The following PAPOLA variants were observed in gnomAD, a reference collection of about 807,000 sequenced individuals.
PAPOLA encodes the protein poly(A) polymerase alpha.
Under a neutral mutation model 100.6 loss-of-function variants are expected in PAPOLA, and 15 were observed. The ratio of observed to expected loss-of-function variants is 0.15; its 90% CI spans 0.10 to 0.23. The LOEUF (loss-of-function observed/expected upper bound fraction) is 0.23, where lower values mean the gene tolerates loss of function less well. Ranked by LOEUF, PAPOLA falls within the 10% of genes least tolerant of loss-of-function variation. The pLI is 1.00. For missense variants in PAPOLA, 533 were observed against 884.2 expected (o/e 0.60, Z 5.04); for synonymous variants, 293 against 300.0 (o/e 0.98, Z 0.24).
chr14:96,548,051 A>G (rs993872479), intron 16 of PAPOLA, 133 bp downstream of exon 16: 1 of 746,346 alleles, frequency 1.3e-6, no homozygotes, highest in Non-Finnish European at 2.1e-6. Context: ...AATCTGTTTC[A>G]TGGAGCAGTT....
chr14:96,526,204 C>T (rs182242953), intron 4 of PAPOLA: 1 of 152,290 alleles, frequency 6.6e-6, no homozygotes, highest in East Asian at 1.9e-4. Flanking sequence ...GTACTGAGAT[C>T]TTCATTATCT....
At chr14:96,560,470 A>T in intron 19 of PAPOLA, 179 bp from the exon 20 acceptor site, 2 of 516,856 alleles carry the variant, frequency 3.9e-6, no homozygotes, top group Non-Finnish European at 6.8e-6. Flanking sequence ...TAGCTACTGA[A>T]GCCAAATTTA....
At chr14:96,513,614 CG>C (rs1483935456) in intron 1 of PAPOLA, among the ~76,000 whole-genome samples, 4 of 152,154 alleles carry the variant, frequency 2.6e-5, no homozygotes, top group Non-Finnish European at 4.4e-5. Context: ...AATAAGGGCT[CG>C]TTTTTTTTAC....
At chr14:96,557,723 T>C (rs1901471514) in intron 19 of PAPOLA, among the ~76,000 whole-genome samples, 1 of 151,672 alleles carries the variant, frequency 6.6e-6, no homozygotes, top group Non-Finnish European at 1.5e-5. Flanking sequence ...TTATTTAGCT[T>C]ATTCTCTGAA....
intron 3 of PAPOLA, among the ~76,000 whole-genome samples, 198 bp from the exon 4 acceptor site, chr14:96,525,112 G>C (rs1416924227): frequency 6.6e-6 from 1 of 152,156 alleles, no homozygotes; most frequent in Admixed American, 6.5e-5. Context: ...CTCTTTAAAA[G>C]TTGAAAATGG....
At chr14:96,533,030 A>G in intron 9 of PAPOLA, 1 of 980,986 alleles carries the variant, frequency 1.0e-6, no homozygotes, top group Non-Finnish European at 1.2e-6. Flanking sequence ...GTTTCTTGTG[A>G]TTGTTTTTTT....
intron 15 of PAPOLA, among the ~76,000 whole-genome samples, chr14:96,545,473 A>C (rs952964244): frequency 6.6e-6 from 1 of 152,084 alleles, no homozygotes; most frequent in African/African-American, 2.4e-5. Context: ...GAAAGTTGCA[A>C]ATAAAAAGTG....
At chr14:96,508,430 A>G (rs1304963310) in intron 1 of PAPOLA, among the ~76,000 whole-genome samples, 1 of 152,172 alleles carries the variant, frequency 6.6e-6, no homozygotes, top group Non-Finnish European at 1.5e-5. Context: ...ACATGTTTTC[A>G]GTCCATATTT....
At chr14:96,561,044 T>C (rs1337930367) in intron 20 of PAPOLA, among the ~76,000 whole-genome samples, 1 of 152,184 alleles carries the variant, frequency 6.6e-6, no homozygotes, top group East Asian at 1.9e-4. Flanking sequence ...GTACATGTCT[T>C]CATTGAAGAA....
At chr14:96,529,721 A>G (rs760138841) in intron 6 of PAPOLA, among the ~76,000 whole-genome samples, 1 of 152,120 alleles carries the variant, frequency 6.6e-6, no homozygotes, top group East Asian at 1.9e-4. Flanking sequence ...GACTCTGTCT[A>G]AAACAAAAAA....
intron 3 of PAPOLA, among the ~76,000 whole-genome samples, chr14:96,525,008 C>T (rs548288353): frequency 9.8e-5 from 15 of 152,324 alleles, no homozygotes; most frequent in African/African-American, 3.1e-4. Flanking sequence ...CCGATTCTAA[C>T]GTGCTCCTGT....
At chr14:96,527,860 A>G in intron 5 of PAPOLA, 93 bp from the exon 6 acceptor site, 2 of 850,450 alleles carry the variant, frequency 2.4e-6, no homozygotes, top group Non-Finnish European at 4.1e-6. Flanking sequence ...AAAGCTAGCT[A>G]TTTTTGTGTC....
At chr14:96,520,818 T>TAC (rs1897895224) in intron 2 of PAPOLA, 188 bp from the exon 3 acceptor site, 6 of 459,900 alleles carry the variant, frequency 1.3e-5, no homozygotes, top group African/African-American at 2.0e-5. Context: ...ACAGTGCCTG[T>TAC]ATATATATAT....
At chr14:96,559,156 C>T (rs1901605037) in intron 19 of PAPOLA, among the ~76,000 whole-genome samples, 1 of 151,834 alleles carries the variant, frequency 6.6e-6, no homozygotes, top group Admixed American at 6.6e-5. Flanking sequence ...CATTTCCTAC[C>T]AGAAGAACTT....
chr14:96,527,781 C>G (rs1898620928), intron 5 of PAPOLA, 172 bp from the exon 6 acceptor site: 12 of 648,378 alleles, frequency 1.9e-5, no homozygotes, highest in South Asian at 1.8e-4. Context: ...AATCATACAT[C>G]TGATGAGTGG....
At chr14:96,519,366 GAA>G (rs1343414566) in intron 1 of PAPOLA, among the ~76,000 whole-genome samples, 1 of 151,990 alleles carries the variant, frequency 6.6e-6, no homozygotes, top group Non-Finnish European at 1.5e-5. Context: ...TTAATTTAAT[GAA>G]AAAATATTTA....
At chr14:96,525,578 A>G (rs1297337641) in intron 4 of PAPOLA, among the ~76,000 whole-genome samples, 187 bp downstream of exon 4, 1 of 152,002 alleles carries the variant, frequency 6.6e-6, no homozygotes, top group Non-Finnish European at 1.5e-5. Flanking sequence ...CACTGTCCAA[A>G]AGTATTATTA....
chr14:96,560,189 A>C (rs1275905674), intron 19 of PAPOLA, among the ~76,000 whole-genome samples: 3 of 152,160 alleles, frequency 2.0e-5, no homozygotes, highest in Non-Finnish European at 4.4e-5. Flanking sequence ...AGGTCGTACC[A>C]AGAGCAAGGA....
chr14:96,547,455 G>A (rs887979891), intron 15 of PAPOLA, among the ~76,000 whole-genome samples: 1 of 152,124 alleles, frequency 6.6e-6, no homozygotes, highest in South Asian at 2.1e-4. Context: ...TTAAAGAATA[G>A]TACTGGTAGC....
Sources: gnomAD v4.1 joint callset for allele counts (sites outside exome capture counted in the v4.1 genomes callset) on GRCh38, gnomAD v4.1.1 for gene constraint, MANE v1.5 for transcripts, NCBI Gene and HGNC (gene_info 2026-07-23, HGNC 2026-07-21) for gene names.